Variants in CRYBA4 observed in about 807,000 individuals in gnomAD.
The protein encoded by CRYBA4 is crystallin beta A4.
Under a neutral mutation model 31.7 loss-of-function variants are expected in CRYBA4, and 30 were observed. The observed-to-expected ratio is 0.95, with a 90% CI of 0.71 to 1.28. The LOEUF (loss-of-function observed/expected upper bound fraction) is 1.28, where lower values mean the gene tolerates loss of function less well. Among genes scored for constraint, CRYBA4 ranks in the 50% most tolerant of loss-of-function variants. CRYBA4 has a pLI of 0.00. For synonymous variants in CRYBA4, 102 were observed against 102.3 expected (o/e 1.00, Z 0.02); for missense variants, 225 against 260.7 (o/e 0.86, Z 0.94).
chr22:26,616,765 A>G, the CRYBA4 span, among the ~76,000 whole-genome samples: 1 of 152,208 alleles, frequency 6.6e-6, no homozygotes, highest in African/African-American at 2.4e-5. Flanking sequence ...CCATCTGACC[A>G]TGAACCTCAC....
the CRYBA4 span, among the ~76,000 whole-genome samples, chr22:26,612,461 C>T: frequency 1.3e-5 from 2 of 152,322 alleles, no homozygotes; most frequent in East Asian, 3.9e-4. Context: ...CTCCCAGGCT[C>T]AAGCGATCCT....
the CRYBA4 span, among the ~76,000 whole-genome samples, chr22:26,591,928 C>CACACAG: frequency 1.4e-5 from 2 of 140,806 alleles, no homozygotes; most frequent in Admixed American, 7.2e-5. Flanking sequence ...CACACACACA[C>CACACAG]AGAAACTAGG....
At chr22:26,605,928 G>T in the CRYBA4 span, among the ~76,000 whole-genome samples, 1 of 152,280 alleles carries the variant, frequency 6.6e-6, no homozygotes, top group East Asian at 1.9e-4. Flanking sequence ...TATTTAACCT[G>T]CGGCCTGCAG....
At chr22:26,613,123 A>G in the CRYBA4 span, among the ~76,000 whole-genome samples, 2 of 152,140 alleles carry the variant, frequency 1.3e-5, no homozygotes, top group African/African-American at 4.8e-5. Context: ...TGCTCAGGAG[A>G]CACTTGCAAA....
At chr22:26,592,407 G>T in the CRYBA4 span, among the ~76,000 whole-genome samples, 1 of 152,244 alleles carries the variant, frequency 6.6e-6, no homozygotes, top group African/African-American at 2.4e-5. Context: ...TGTAACTGAT[G>T]AGGCAGGAGC....
chr22:26,628,967 C>T lies in CRYBA4; in HGVS notation c.443+537C>T, dbSNP rs188114215. 6.3e-4 allele frequency among the ~76,000 whole-genome samples: 96 copies of T among 152,294 alleles called. 1 individual carries two copies. The highest frequency in any genetic ancestry group is 6.0e-3 in the Admixed American group (92 of 15,296). ...TGGTCATGTGGTCCATTGCTAGATT[C>T]AGCCTCATTTTCTCACCTTGGCTGA... is the stretch of plus-strand genomic sequence containing the variant. On this transcript the variant is annotated intron_variant, in intron 5 of 5. Coordinates refer to ENST00000354760, the MANE Select transcript of CRYBA4 (RefSeq NM_001886.3).
At chr22:26,621,416 T>C (rs1233626381), upstream of CRYBA4, among the ~76,000 whole-genome samples, 2 of 152,190 alleles carry the variant, frequency 1.3e-5, no homozygotes, top group Non-Finnish European at 2.9e-5. Flanking sequence ...TCCATCTCAC[T>C]CTGTACATAT....
At chr22:26,611,602 G>A in the CRYBA4 span, among the ~76,000 whole-genome samples, 29 of 151,998 alleles carry the variant, frequency 1.9e-4, no homozygotes, top group African/African-American at 6.8e-4. Context: ...AGCCTCCCGA[G>A]TAGCTGGGAC....
chr22:26,627,488 TTTTCTTTCTTTC>T (rs201917169), intron 4 of CRYBA4, among the ~76,000 whole-genome samples: 31,809 of 81,748 alleles, frequency 0.39, 6,926 homozygotes, highest in African/African-American at 0.45. Context: ...CTTTCTTTCC[TTTTCTTTCTTTC>T]TTTCTTTCTT....
chr22:26,590,570 A>G, the CRYBA4 span, among the ~76,000 whole-genome samples: 2 of 152,172 alleles, frequency 1.3e-5, no homozygotes, highest in South Asian at 4.1e-4. Flanking sequence ...TGGATATACC[A>G]CATTCTCTCC....
the CRYBA4 span, among the ~76,000 whole-genome samples, chr22:26,616,797 T>C: frequency 6.6e-6 from 1 of 152,206 alleles, no homozygotes; most frequent in Non-Finnish European, 1.5e-5. Context: ...GCTGCTATCA[T>C]GATCCCCTCT....
chr22:26,620,709 G>T (rs1236577846), upstream of CRYBA4, among the ~76,000 whole-genome samples: 1 of 50 alleles, frequency 0.02, no homozygotes, highest in Non-Finnish European at 0.038. Flanking sequence ...GATTACAGGC[G>T]CCCGCGCTAC....
At chr22:26,607,859 T>A in the CRYBA4 span, 1 of 1,613,836 alleles carries the variant, frequency 6.2e-7, no homozygotes, top group Non-Finnish European at 8.5e-7. Context: ...GCCTGGCTGA[T>A]TCTCCAGCCC....
chr22:26,614,342 C>A, the CRYBA4 span, among the ~76,000 whole-genome samples: 1 of 152,176 alleles, frequency 6.6e-6, no homozygotes, highest in Non-Finnish European at 1.5e-5. Context: ...ATGTCTCCCC[C>A]GGACGCCCAG....
At chr22:26,600,262 TGTG>T in the CRYBA4 span, among the ~76,000 whole-genome samples, 49 of 151,996 alleles carry the variant, frequency 3.2e-4, no homozygotes, top group African/African-American at 1.2e-3. Flanking sequence ...ATTAGCAGGG[TGTG>T]GTGGTGGGCA....
chr22:26,603,632 C>T, the CRYBA4 span, among the ~76,000 whole-genome samples: 13 of 150,696 alleles, frequency 8.6e-5, no homozygotes, highest in African/African-American at 2.0e-4. Context: ...TGGCCGGGCG[C>T]GGTGGCTCAC....
At chr22:26,619,533 AG>A (rs1001839833), upstream of CRYBA4, among the ~76,000 whole-genome samples, 1 of 152,150 alleles carries the variant, frequency 6.6e-6, no homozygotes, top group Admixed American at 6.5e-5. Context: ...GCATCTGGAT[AG>A]GCTCCTGTCT....
chr22:26,591,007 T>C, the CRYBA4 span, among the ~76,000 whole-genome samples: 2 of 152,228 alleles, frequency 1.3e-5, no homozygotes, highest in Non-Finnish European at 2.9e-5. Flanking sequence ...CAGGCTTACT[T>C]TTCATTGTGA....
At chr22:26,629,247 G>A (rs532522247) in intron 5 of CRYBA4, among the ~76,000 whole-genome samples, 1 of 152,166 alleles carries the variant, frequency 6.6e-6, no homozygotes, top group Non-Finnish European at 1.5e-5. Context: ...GGTAGGCAGG[G>A]GGCAAAGATG....
Sources: allele counts gnomAD v4.1 joint callset (sites outside exome capture counted in the v4.1 genomes callset), GRCh38; gene constraint gnomAD v4.1.1; transcripts MANE v1.5; gene names NCBI Gene and HGNC (gene_info 2026-07-23, HGNC 2026-07-21).